The following NTM variants were observed in gnomAD, a reference collection of about 807,000 sequenced individuals.
NTM encodes IgLON family member 2.
Under a neutral mutation model 42.1 loss-of-function variants are expected in NTM, and 13 were observed. The observed-to-expected ratio is 0.31, with a 90% CI of 0.20 to 0.49. The LOEUF is 0.49. NTM is among the 20% of genes least tolerant of loss of function. The pLI is 0.99. For missense variants in NTM, 373 were observed against 452.8 expected (o/e 0.82, Z 1.60); for synonymous variants, 187 against 179.2 (o/e 1.04, Z -0.35).
intron 2 of NTM, among the ~76,000 whole-genome samples, chr11:131,919,367 A>G (rs913886369): frequency 1.2e-4 from 18 of 152,162 alleles, no homozygotes; most frequent in Non-Finnish European, 1.2e-4. Context: ...TAGATGGTCA[A>G]ATATTTTTAG....
intron 1 of NTM, among the ~76,000 whole-genome samples, chr11:131,542,595 C>A (rs796305218): frequency 6.6e-6 from 1 of 152,162 alleles, no homozygotes; most frequent in South Asian, 2.1e-4. Context: ...CTCAAATTCC[C>A]AGCTGACCCA....
chr11:131,887,797 T>TC (rs1181036891), intron 1 of NTM, among the ~76,000 whole-genome samples: 1 of 152,216 alleles, frequency 6.6e-6, no homozygotes, highest in Non-Finnish European at 1.5e-5. Flanking sequence ...TGTATCTAGT[T>TC]CAGTATTTGC....
At chr11:132,209,461 T>C (rs1033829892) in intron 3 of NTM, among the ~76,000 whole-genome samples, 1 of 152,228 alleles carries the variant, frequency 6.6e-6, no homozygotes, top group Non-Finnish European at 1.5e-5. Flanking sequence ...TATCTGAAGC[T>C]CAATGAGGAT....
At position 131,836,660 on chromosome 11, in the gene NTM, A is replaced by T. The variant is rs115152032; in HGVS notation, c.83-74904A>T. On this transcript the variant is annotated intron_variant, in intron 1 of 8. Coordinates refer to ENST00000683400, the MANE Select transcript of NTM (RefSeq NM_001352005.2). ...GGTTGGACCTTTACTGAGTTGCTGC[A>T]GAAGTCAGTTACCCAATAAGGGATG... Among the ~76,000 whole-genome samples the T allele has an allele frequency of 3.2e-3, 486 of 152,278 alleles. 5 individuals are homozygous for T. The highest frequency in any genetic ancestry group is 0.011 in the African/African-American group (445 of 41,566).
At position 131,378,486 on chromosome 11, in the gene NTM, G is replaced by T. The variant is rs76566958; in HGVS notation, c.82+7598G>T. ...ATGAACAGAGTCAGAACATGTAAAT[G>T]GTGTGTGTGCGTGCAAACTCTACGT... On this transcript the variant is annotated intron_variant, in intron 1 of 8. Coordinates refer to ENST00000683400, the MANE Select transcript of NTM (RefSeq NM_001352005.2). Among the ~76,000 whole-genome samples, 210 of 152,258 alleles carry T rather than the reference G, an allele frequency of 1.4e-3. 2 individuals are homozygous for T. The highest frequency in any genetic ancestry group is 2.4e-3 in the Non-Finnish European group (164 of 68,022).
intron 3 of NTM, among the ~76,000 whole-genome samples, chr11:132,176,549 AAAAT>A (rs149552248): frequency 0.017 from 2,661 of 152,174 alleles, 84 homozygotes; most frequent in African/African-American, 0.06. Context: ...TGTTTAACAA[AAAAT>A]AAATATTTGA....
intron 1 of NTM, among the ~76,000 whole-genome samples, chr11:131,798,800 T>A (rs1278967673): frequency 6.6e-6 from 1 of 152,186 alleles, no homozygotes; most frequent in Non-Finnish European, 1.5e-5. Flanking sequence ...TGTAGATGGA[T>A]AATAACCCTC....
intron 2 of NTM, among the ~76,000 whole-genome samples, chr11:131,946,729 ATCAACAATATGC>A (rs1311502227): frequency 2.0e-5 from 3 of 152,244 alleles, no homozygotes; most frequent in Non-Finnish European, 4.4e-5. Flanking sequence ...CAGATAGTAT[ATCAACAATATGC>A]TCCCATGTCT....
At chr11:131,412,183 T>C (rs1348961435) in intron 1 of NTM, among the ~76,000 whole-genome samples, 3 of 152,166 alleles carry the variant, frequency 2.0e-5, no homozygotes, top group Non-Finnish European at 4.4e-5. Context: ...CCAGAAGGGA[T>C]GTGAGAGCTG....
intron 1 of NTM, among the ~76,000 whole-genome samples, chr11:131,689,139 C>T (rs1432104047): frequency 1.3e-5 from 2 of 152,106 alleles, no homozygotes; most frequent in Admixed American, 6.5e-5. Flanking sequence ...TCTCCCTACC[C>T]GGAGCTCTGC....
intron 1 of NTM, chr11:131,911,083 G>C: frequency 8.9e-7 from 1 of 1,123,030 alleles, no homozygotes; most frequent in Non-Finnish European, 1.1e-6. Context: ...AGCCCACCCC[G>C]TCCCCTTCTG....
chr11:131,507,497 G>A (rs538201192), intron 1 of NTM, among the ~76,000 whole-genome samples: 3 of 152,030 alleles, frequency 2.0e-5, no homozygotes, highest in African/African-American at 4.8e-5. Flanking sequence ...GCGTGATGCC[G>A]CCAGCTTTGT....
At chr11:132,054,863 T>C (rs2079380746) in intron 2 of NTM, among the ~76,000 whole-genome samples, 2 of 152,262 alleles carry the variant, frequency 1.3e-5, no homozygotes, top group South Asian at 2.1e-4. Context: ...GATGATGGAA[T>C]TGAGATGGAG....
At chr11:132,198,048 G>A (rs1247934171) in intron 3 of NTM, among the ~76,000 whole-genome samples, 1 of 152,054 alleles carries the variant, frequency 6.6e-6, no homozygotes, top group Non-Finnish European at 1.5e-5. Context: ...GATATTTCTA[G>A]TTCTAGATCC....
chr11:131,833,468 A>AT (rs1733762449), intron 1 of NTM, among the ~76,000 whole-genome samples: 1 of 152,212 alleles, frequency 6.6e-6, no homozygotes, highest in Non-Finnish European at 1.5e-5. Context: ...AGAGGTTTAT[A>AT]TGCCTTCCCT....
rs115786426 is a variant in NTM, at chr11:132,281,541, A to G, written c.527-26148A>G. ...TGGGTTCCTTGTCCACCCACTGCCC[A>G]ATGACTGTGGGAGAACCTTCTTTCA... is the stretch of plus-strand genomic sequence containing the variant. On this transcript the variant is annotated intron_variant, in intron 4 of 8. Coordinates refer to ENST00000683400, the MANE Select transcript of NTM (RefSeq NM_001352005.2). Among the ~76,000 whole-genome samples, 1,263 of 152,328 alleles carry G rather than the reference A, an allele frequency of 8.3e-3. 21 individuals are homozygous for G. The highest frequency in any genetic ancestry group is 0.029 in the African/African-American group (1,194 of 41,572).
chr11:132,104,504 C>A (rs2062021984), intron 2 of NTM, among the ~76,000 whole-genome samples: 1 of 151,668 alleles, frequency 6.6e-6, no homozygotes, highest in Admixed American at 6.6e-5. Context: ...CTAATTCCAG[C>A]ACTTTGGGAG....
At chr11:132,123,568 G>A (rs1423177229) in intron 2 of NTM, among the ~76,000 whole-genome samples, 1 of 152,180 alleles carries the variant, frequency 6.6e-6, no homozygotes, top group Non-Finnish European at 1.5e-5. Flanking sequence ...TGGCCGTTCT[G>A]TTTTCGGCGA....
At chr11:131,834,453 G>A in intron 1 of NTM, among the ~76,000 whole-genome samples, 1 of 151,938 alleles carries the variant, frequency 6.6e-6, no homozygotes, top group Non-Finnish European at 1.5e-5. Flanking sequence ...TGCTGGGGTT[G>A]CAGCTGTGAG....
Sources: gnomAD v4.1 joint callset for allele counts (sites outside exome capture counted in the v4.1 genomes callset) on GRCh38, gnomAD v4.1.1 for gene constraint, MANE v1.5 for transcripts, NCBI Gene and HGNC (gene_info 2026-07-23, HGNC 2026-07-21) for gene names.